RNF157: variants seen among roughly 807,000 people sequenced by gnomAD.
RNF157 encodes ring finger protein 157.
RNF157 carries 55 observed loss-of-function variants against 88.3 expected under a neutral mutation model. That is an observed-to-expected ratio of 0.62 (90% CI 0.50 to 0.78). The LOEUF (loss-of-function observed/expected upper bound fraction) is 0.78. Ranked by LOEUF, RNF157 falls within the 30% of genes least tolerant of loss-of-function variation. RNF157 has a pLI of 0.00. For synonymous variants in RNF157, 334 were observed against 341.2 expected, an observed-to-expected ratio of 0.98 and a Z score of 0.23; for missense variants, 788 against 860.8, an observed-to-expected ratio of 0.92 and a Z score of 1.06.
intron 1 of RNF157, among the ~76,000 whole-genome samples, chr17:76,224,886 T>C (rs2070052694): frequency 6.6e-6 from 1 of 152,182 alleles, no homozygotes; most frequent in Non-Finnish European, 1.5e-5. Flanking sequence ...ATTTAAAAAA[T>C]TAGGGCTGGG....
rs1434350541 is a variant in RNF157, at chr17:76,160,845, A to C, written c.1065+690T>G. Among the ~76,000 whole-genome samples, 1 of 152,122 alleles carries C rather than the reference A, an allele frequency of 6.6e-6. No homozygotes were observed. The highest frequency in any genetic ancestry group is 2.4e-5 in the African/African-American group (1 of 41,434). On this transcript the variant is annotated intron_variant, in intron 11 of 18. Coordinates refer to ENST00000269391, the MANE Select transcript of RNF157 (RefSeq NM_052916.3). The surrounding 1 kb of genome is among the most constrained non-coding windows in gnomAD (Gnocchi z 4.3). ...ATCTATAATTTATTCTAGATTTTGA[A>C]TGTTTTGCTTGGTTTGCTGTAATGT...
rs1030875226 is a variant in RNF157 at position 76,146,880 on chromosome 17, A to G, written c.1922-1527T>C. 3.8e-5 allele frequency: 37 copies of G among 985,490 alleles called. No individual in the cohort carries two copies. The highest frequency in any genetic ancestry group is 1.8e-4 in the Admixed American group (3 of 16,296). The allele number at this position is 985,490 out of a possible 1,614,324, so 61.0% of individuals were successfully genotyped here. ...AGGCCACTCACAAGTGTCCAGGGTCAGCCTCAGGCCAGCCCAGGACATGAA... is the reference window on the plus strand; with the variant it reads ...AGGCCACTCACAAGTGTCCAGGGTCGGCCTCAGGCCAGCCCAGGACATGAA... On this transcript the variant is annotated intron_variant, in intron 18 of 18. Transcript: ENST00000269391. The surrounding 1 kb of genome is among the most constrained non-coding windows in gnomAD (Gnocchi z 4.2).
chr17:76,222,461 C>T (rs2070002315), intron 1 of RNF157, among the ~76,000 whole-genome samples: 1 of 152,066 alleles, frequency 6.6e-6, no homozygotes, highest in African/African-American at 2.4e-5. Context: ...GTGAACTTCG[C>T]CTCAATTTTA....
chr17:76,193,864 C>G (rs2069427819), intron 2 of RNF157, among the ~76,000 whole-genome samples: 1 of 152,208 alleles, frequency 6.6e-6, no homozygotes, highest in Non-Finnish European at 1.5e-5. Context: ...TGGCCGAGGG[C>G]TGCTGATGCA....
At chr17:76,152,941 CAT>C (rs2068703728) in intron 17 of RNF157, among the ~76,000 whole-genome samples, 1 of 152,188 alleles carries the variant, frequency 6.6e-6, no homozygotes, top group East Asian at 1.9e-4. Context: ...TCTTAGGGTC[CAT>C]AATTTTGCAT....
At chr17:76,179,355 C>T (rs959023685) in intron 2 of RNF157, among the ~76,000 whole-genome samples, 3 of 152,004 alleles carry the variant, frequency 2.0e-5, no homozygotes, top group African/African-American at 7.3e-5. Flanking sequence ...GATAGCATCA[C>T]TGCACTCCAG....
At position 76,143,810 on chromosome 17, in the gene RNF157, G is replaced by A. The variant is rs2068547369; in HGVS notation, c.*1425C>T. On this transcript the variant is annotated 3_prime_UTR_variant, in exon 19 of 19. Transcript: ENST00000269391. ...GAGTTTCGATCTTTTCAATCTTGTAGCCCAGGCTGGAGTGCAGTGGCACGA... is the reference window on the plus strand; with the variant it reads ...GAGTTTCGATCTTTTCAATCTTGTAACCCAGGCTGGAGTGCAGTGGCACGA... 6.6e-6 allele frequency: 1 copy of A among 151,558 alleles called. No individual in the cohort carries two copies. Among genetic ancestry groups the A allele is most frequent in the Non-Finnish European group, 1.5e-5 (1 of 67,962 alleles). The allele number at this position is 151,558 out of a possible 1,614,324, so 9.4% of individuals were successfully genotyped here.
intron 1 of RNF157, among the ~76,000 whole-genome samples, chr17:76,238,101 A>T (rs1011246414): frequency 3.9e-5 from 6 of 152,050 alleles, no homozygotes; most frequent in Non-Finnish European, 8.8e-5. Flanking sequence ...AAAAAAAAAA[A>T]AATTAAACAT....
At chr17:76,155,987 C>T (rs949980315) in intron 14 of RNF157, among the ~76,000 whole-genome samples, 1 of 152,242 alleles carries the variant, frequency 6.6e-6, no homozygotes, top group African/African-American at 2.4e-5. Flanking sequence ...AACCTCATTA[C>T]AGGAGGACTG....
chr17:76,150,227 C>T (rs1251209974), intron 18 of RNF157, among the ~76,000 whole-genome samples: 1 of 152,094 alleles, frequency 6.6e-6, no homozygotes, highest in Admixed American at 6.5e-5. Context: ...CTTAACATGC[C>T]TATACCTGAG....
chr17:76,175,918 G>T, intron 2 of RNF157: 1 of 392,348 alleles, frequency 2.5e-6, no homozygotes, highest in Non-Finnish European at 3.5e-6. Context: ...TGAAACATAA[G>T]CTATTTGGCT....
chr17:76,164,871 C>T lies in RNF157; in HGVS notation c.673-76G>A, dbSNP rs1431696953. On this transcript the variant is annotated intron_variant, in intron 7 of 18. Coordinates refer to ENST00000269391, the MANE Select transcript of RNF157 (RefSeq NM_052916.3). Reference sequence around the variant, plus strand: ...CCAGGTATTCTTCTGTTACATCTCCCAGTTACAGTCGCCCTCCCTGATCTG... The same window carrying T: ...CCAGGTATTCTTCTGTTACATCTCCTAGTTACAGTCGCCCTCCCTGATCTG... 2.8e-6 allele frequency: 3 copies of T among 1,053,682 alleles called. No homozygotes were observed. The African/African-American group carries it at 4.7e-5, about 17-fold the overall frequency. 65.3% of individuals were successfully genotyped at this position (1,053,682 alleles called of 1,614,324 possible). A position where few individuals can be genotyped will look rare whatever the true frequency, so the allele number is the denominator to read the frequency against.
At chr17:76,239,972 T>C (rs1473994927) in intron 1 of RNF157, among the ~76,000 whole-genome samples, 181 bp downstream of exon 1, 2 of 152,122 alleles carry the variant, frequency 1.3e-5, no homozygotes, top group Non-Finnish European at 2.9e-5. Context: ...CTTGGGCTAA[T>C]TCGCCCGGGG....
At chr17:76,218,381 C>T (rs1490860934) in intron 1 of RNF157, among the ~76,000 whole-genome samples, 3 of 152,354 alleles carry the variant, frequency 2.0e-5, no homozygotes, top group African/African-American at 7.2e-5. Flanking sequence ...TGGCTCACGC[C>T]TGCAATCCCA....
chr17:76,191,695 G>A (rs1181946938), intron 2 of RNF157, among the ~76,000 whole-genome samples: 1 of 151,780 alleles, frequency 6.6e-6, no homozygotes, highest in Admixed American at 6.6e-5. Context: ...GACTGCTTGA[G>A]CCTGGGAGGT....
At chr17:76,219,711 G>A (rs1382165362) in intron 1 of RNF157, among the ~76,000 whole-genome samples, 1 of 151,986 alleles carries the variant, frequency 6.6e-6, no homozygotes, top group Non-Finnish European at 1.5e-5. Flanking sequence ...TGTGTGTAGT[G>A]GAATAACTAC....
chr17:76,199,846 AAAGT>A, intron 2 of RNF157, among the ~76,000 whole-genome samples: 2 of 152,320 alleles, frequency 1.3e-5, no homozygotes, highest in Non-Finnish European at 2.9e-5. Flanking sequence ...TTAAGGATGA[AAAGT>A]AATATAAGTT....
chr17:76,207,977 G>A lies in RNF157; in HGVS notation c.207+4387C>T, dbSNP rs139917326. Among the ~76,000 whole-genome samples the A allele has an allele frequency of 2.0e-3, 309 of 152,056 alleles. 2 individuals carry two copies. Among genetic ancestry groups the A allele is most frequent in the East Asian group, 0.016 (85 of 5,180 alleles). On this transcript the variant is annotated intron_variant, in intron 2 of 18. Transcript: ENST00000269391. ...TTCTTGCTCTGTTGCCCAGGCTGCA[G>A]TGATCATAGCTCACTGAAGCCTTGG...
intron 3 of RNF157, 97 bp downstream of exon 3, chr17:76,173,605 A>C: frequency 1.1e-6 from 1 of 919,048 alleles, no homozygotes; most frequent in Non-Finnish European, 1.7e-6. Flanking sequence ...GGGCTGCCGG[A>C]AACTGCTGTA....
Sources: gnomAD v4.1 joint callset for allele counts (sites outside exome capture counted in the v4.1 genomes callset) on GRCh38, gnomAD v4.1.1 for gene constraint, Gnocchi (gnomAD v3.1) non-coding constraint, MANE v1.5 for transcripts, NCBI Gene and HGNC (gene_info 2026-07-23, HGNC 2026-07-21) for gene names.